Variants in LMBR1 observed in about 807,000 individuals in gnomAD.
LMBR1 encodes limb development membrane protein 1.
A neutral mutation model predicts 73.9 loss-of-function variants in LMBR1; 52 were observed. The observed-to-expected ratio is 0.70, with a 90% CI of 0.56 to 0.89. LMBR1 has a LOEUF of 0.89. LMBR1 is among the 40% of genes least tolerant of loss of function. The pLI, the probability that LMBR1 is intolerant of heterozygous loss-of-function variation, is 0.00. For missense variants in LMBR1, 539 were observed against 579.8 expected (o/e 0.93, Z 0.72); for synonymous variants, 215 against 209.4 (o/e 1.03, Z -0.23).
At chr7:156,703,640 T>C (rs1018747881) in intron 15 of LMBR1, among the ~76,000 whole-genome samples, 5 of 152,160 alleles carry the variant, frequency 3.3e-5, no homozygotes, top group Admixed American at 6.5e-5. Context: ...GACCCTGGCA[T>C]AGTGGTGGCC....
chr7:156,809,755 T>A (rs1832767809), intron 4 of LMBR1, among the ~76,000 whole-genome samples: 1 of 152,194 alleles, frequency 6.6e-6, no homozygotes, highest in Non-Finnish European at 1.5e-5. Context: ...CTGTGATTCT[T>A]ATTATTGCTC....
At chr7:156,697,783 T>C (rs6964411) in intron 15 of LMBR1, among the ~76,000 whole-genome samples, 13,920 of 152,212 alleles carry the variant, frequency 0.091, 795 homozygotes, top group African/African-American at 0.15. Context: ...AACACACGTT[T>C]TACAATCAAT....
intron 1 of LMBR1, among the ~76,000 whole-genome samples, chr7:156,839,963 G>A (rs565578539): frequency 1.2e-4 from 18 of 152,244 alleles, no homozygotes; most frequent in Admixed American, 5.9e-4. Context: ...TTGAGAATAA[G>A]GGGAAATTGT....
At chr7:156,777,234 C>T (rs1224993571) in intron 5 of LMBR1, among the ~76,000 whole-genome samples, 1 of 152,186 alleles carries the variant, frequency 6.6e-6, no homozygotes, top group African/African-American at 2.4e-5. Flanking sequence ...CACGCCTGGC[C>T]TTTCACAACA....
intron 1 of LMBR1, among the ~76,000 whole-genome samples, chr7:156,882,967 G>C (rs1230329058): frequency 6.6e-6 from 1 of 152,124 alleles, no homozygotes; most frequent in East Asian, 1.9e-4. Flanking sequence ...GGAGGTGGAG[G>C]TTGCAGTGAG....
At chr7:156,752,967 G>C (rs548507895) in intron 9 of LMBR1, among the ~76,000 whole-genome samples, 2 of 151,132 alleles carry the variant, frequency 1.3e-5, no homozygotes, top group East Asian at 3.9e-4. Context: ...ATGGGGAAAT[G>C]ATGGGGGGTG....
At chr7:156,768,570 T>G (rs910771133) in intron 5 of LMBR1, among the ~76,000 whole-genome samples, 2 of 152,030 alleles carry the variant, frequency 1.3e-5, no homozygotes, top group African/African-American at 4.8e-5. Flanking sequence ...GCCTCGACAT[T>G]AGGAGGGCTC....
intron 15 of LMBR1, among the ~76,000 whole-genome samples, chr7:156,703,440 G>A (rs1029793794): frequency 9.9e-5 from 15 of 152,244 alleles, no homozygotes; most frequent in Middle Eastern, 6.8e-3. Context: ...CATCTCCCAC[G>A]GCCCTAAGCT....
At chr7:156,757,170 C>T (rs1300721874) in intron 8 of LMBR1, among the ~76,000 whole-genome samples, 2 of 152,128 alleles carry the variant, frequency 1.3e-5, no homozygotes, top group African/African-American at 4.8e-5. Flanking sequence ...TAAATAACTA[C>T]AGTAAATATA....
intron 1 of LMBR1, among the ~76,000 whole-genome samples, chr7:156,888,221 T>G (rs965588627): frequency 8.6e-5 from 13 of 151,352 alleles, no homozygotes; most frequent in Non-Finnish European, 1.6e-4. Flanking sequence ...CCTTCCTGGC[T>G]AACATGGTGA....
intron 15 of LMBR1, among the ~76,000 whole-genome samples, chr7:156,700,388 G>C (rs1809384690): frequency 1.0e-5 from 1 of 99,978 alleles, no homozygotes; most frequent in East Asian, 3.6e-4. Context: ...ACCTCGGACT[G>C]TTGTGGGGTG....
chr7:156,676,069 G>T (rs994462251), downstream of LMBR1, among the ~76,000 whole-genome samples: 4 of 152,054 alleles, frequency 2.6e-5, no homozygotes, highest in African/African-American at 9.7e-5. Context: ...CAGTCCCGGG[G>T]TAACCGCTGC....
At chr7:156,768,366 A>G (rs1009748541) in intron 5 of LMBR1, among the ~76,000 whole-genome samples, 1 of 152,238 alleles carries the variant, frequency 6.6e-6, no homozygotes, top group Admixed American at 6.5e-5. Flanking sequence ...TCTCAAAAAA[A>G]AACAAAAAAG....
chr7:156,840,544 A>G (rs1323435547), intron 1 of LMBR1, among the ~76,000 whole-genome samples: 2 of 152,092 alleles, frequency 1.3e-5, no homozygotes, highest in Non-Finnish European at 2.9e-5. Context: ...CGGGTCACGC[A>G]AGACTCAGGT....
chr7:156,687,714 T>C (rs558286150), intron 16 of LMBR1, among the ~76,000 whole-genome samples: 17 of 152,282 alleles, frequency 1.1e-4, no homozygotes, highest in African/African-American at 2.2e-4. Flanking sequence ...ACCACCACCA[T>C]GACCACCATC....
intron 9 of LMBR1, among the ~76,000 whole-genome samples, chr7:156,737,916 G>A (rs1178994674): frequency 1.3e-5 from 2 of 152,112 alleles, no homozygotes; most frequent in East Asian, 1.9e-4. Context: ...TAGGAGGGCG[G>A]AGCAAGATGA....
intron 4 of LMBR1, among the ~76,000 whole-genome samples, chr7:156,798,065 T>C (rs1830346927): frequency 6.6e-6 from 1 of 152,152 alleles, no homozygotes. Flanking sequence ...TGGAAGAGCA[T>C]ACAGAACGAT....
intron 1 of LMBR1, among the ~76,000 whole-genome samples, chr7:156,887,807 C>G (rs1312662335): frequency 6.6e-6 from 1 of 152,076 alleles, no homozygotes; most frequent in Non-Finnish European, 1.5e-5. Context: ...ATAAAGAACT[C>G]CTAAAACTAA....
intron 1 of LMBR1, among the ~76,000 whole-genome samples, chr7:156,878,174 T>C (rs1266882225): frequency 6.6e-6 from 1 of 152,152 alleles, no homozygotes; most frequent in African/African-American, 2.4e-5. Flanking sequence ...ACCACTTCTA[T>C]TCAACATAGT....
Sources: allele counts gnomAD v4.1 joint callset (sites outside exome capture counted in the v4.1 genomes callset), GRCh38; gene constraint gnomAD v4.1.1; transcripts MANE v1.5; gene names NCBI Gene and HGNC (gene_info 2026-07-23, HGNC 2026-07-21).